Variants in ARHGEF28 observed in about 807,000 individuals in gnomAD.
ARHGEF28 encodes Rho guanine nucleotide exchange factor 28.
A neutral mutation model predicts 206.6 loss-of-function variants in ARHGEF28; 152 were observed. The observed-to-expected ratio is 0.74, with a 90% CI of 0.64 to 0.84. The LOEUF (loss-of-function observed/expected upper bound fraction) is 0.84, where lower values mean the gene tolerates loss of function less well. Among genes scored for constraint, ARHGEF28 ranks in the 40% least tolerant of loss-of-function variants. The pLI is 0.00. For synonymous variants in ARHGEF28, 763 were observed against 776.4 expected (o/e 0.98, Z 0.29); for missense variants, 2,028 against 2,073.2 (o/e 0.98, Z 0.42).
chr5:73,914,046 C>T (rs1763067011), intron 35 of ARHGEF28, among the ~76,000 whole-genome samples: 2 of 152,150 alleles, frequency 1.3e-5, no homozygotes, highest in African/African-American at 4.8e-5. Flanking sequence ...TAGATACCAC[C>T]TAGATAGGAA....
chr5:73,635,910 G>A (rs1391615882), intron 1 of ARHGEF28, among the ~76,000 whole-genome samples: 1 of 152,278 alleles, frequency 6.6e-6, no homozygotes, highest in South Asian at 2.1e-4. Context: ...TTTTTAAGGG[G>A]GAGTGAAATA....
intron 9 of ARHGEF28, among the ~76,000 whole-genome samples, chr5:73,831,870 T>A (rs1322691776): frequency 6.6e-6 from 1 of 152,166 alleles, no homozygotes; most frequent in Non-Finnish European, 1.5e-5. Flanking sequence ...TTTGTATTTT[T>A]AGTAGAGATG....
chr5:73,940,366 C>T (rs1742526146), intron 35 of ARHGEF28, among the ~76,000 whole-genome samples: 1 of 152,056 alleles, frequency 6.6e-6, no homozygotes, highest in South Asian at 2.1e-4. Flanking sequence ...GCTGGAGGGT[C>T]TCCTTCATTC....
At chr5:73,763,411 T>C (rs1326282025) in intron 4 of ARHGEF28, among the ~76,000 whole-genome samples, 4 of 152,234 alleles carry the variant, frequency 2.6e-5, no homozygotes, top group Non-Finnish European at 5.9e-5. Flanking sequence ...GAATGGACCC[T>C]GCCTGGCTGT....
At chr5:73,709,000 T>C (rs1749096302) in intron 2 of ARHGEF28, among the ~76,000 whole-genome samples, 1 of 152,190 alleles carries the variant, frequency 6.6e-6, no homozygotes, top group Non-Finnish European at 1.5e-5. Flanking sequence ...TTTTGAGAAG[T>C]GTCTGTTCAT....
chr5:73,726,331 T>C (rs1190743631), intron 2 of ARHGEF28, among the ~76,000 whole-genome samples: 2 of 152,256 alleles, frequency 1.3e-5, no homozygotes, highest in Non-Finnish European at 2.9e-5. Flanking sequence ...GTTACATAGA[T>C]ACCAGTTTGC....
At chr5:73,773,716 C>T in intron 4 of ARHGEF28, 139 bp from the exon 5 acceptor site, 2 of 905,840 alleles carry the variant, frequency 2.2e-6, no homozygotes, top group Non-Finnish European at 1.6e-6. Flanking sequence ...AAATGAGATA[C>T]AGTGATTGGG....
rs201040309 is a variant in ARHGEF28, at chr5:73,846,001, A to G, written c.1428-267A>G. Among the ~76,000 whole-genome samples, 9,070 of 148,830 alleles carry G rather than the reference A, an allele frequency of 0.061. 778 individuals carry two copies. Among genetic ancestry groups the G allele is most frequent in the African/African-American group, 0.16 (6,217 of 39,458 alleles). The stretch of plus-strand genomic sequence containing the variant: ...AAAACTGTCTCAAAAAAAAAAAAAA[A>G]AAAAAAAAAGAAAGAAAGAAAGAAA... On this transcript the variant is annotated intron_variant, in intron 11 of 35. Coordinates refer to ENST00000513042, the MANE Select transcript of ARHGEF28 (RefSeq NM_001177693.2).
rs376930198 is a variant in ARHGEF28 at position 73,865,912 on chromosome 5, T to C, written c.2104-53T>C. On this transcript the variant is annotated intron_variant, in intron 17 of 35. Coordinates refer to ENST00000513042, the MANE Select transcript of ARHGEF28 (RefSeq NM_001177693.2). ...CTGTGTAACTATGTGGATATTCTTA[T>C]AGTCTAATGATACTTTGATCTTACT... The C allele has an allele frequency of 9.2e-4, 1,157 of 1,260,332 alleles. 19 individuals are homozygous for C. The South Asian group carries it at 0.014, about 16-fold the overall frequency. 78.1% of individuals were successfully genotyped at this position (1,260,332 alleles called of 1,614,324 possible). A position where few individuals can be genotyped will look rare whatever the true frequency, so the allele number is the denominator to read the frequency against.
intron 4 of ARHGEF28, among the ~76,000 whole-genome samples, chr5:73,772,669 C>T (rs73116598): frequency 0.055 from 8,440 of 152,260 alleles, 353 homozygotes; most frequent in African/African-American, 0.11. Flanking sequence ...TTAGCCACCA[C>T]GCCTGGCCTT....
chr5:73,887,722 C>G (rs781320168), intron 26 of ARHGEF28, 43 bp downstream of exon 26: 14 of 1,457,468 alleles, frequency 9.6e-6, no homozygotes, highest in Non-Finnish European at 1.3e-5. Context: ...ATAGGTTTAA[C>G]CACACATTTT....
chr5:73,665,673 C>T (rs1745905786), intron 1 of ARHGEF28, among the ~76,000 whole-genome samples: 1 of 152,046 alleles, frequency 6.6e-6, no homozygotes, highest in Non-Finnish European at 1.5e-5. Flanking sequence ...GCCAAACGTC[C>T]TTTTATAACA....
chr5:73,901,084 C>T, intron 30 of ARHGEF28, 100 bp from the exon 31 acceptor site: 3 of 880,122 alleles, frequency 3.4e-6, no homozygotes, highest in Non-Finnish European at 5.4e-6. Context: ...GTGGTGTTTC[C>T]TATTTTGAAA....
At position 73,840,741 on chromosome 5, in the gene ARHGEF28, A is replaced by G. The variant is rs149883918; in HGVS notation, c.1408A>G (p.Ser470Gly). The G allele has an allele frequency of 7.4e-4, 1,186 of 1,609,374 alleles. 24 individuals carry two copies. In the East Asian group the frequency reaches 0.023, roughly 31 times the overall value. Residue 470 changes from serine (S) to glycine (G), a missense_variant, in exon 11 of 36, where the codon AGT (serine) becomes GGT (glycine). By Grantham distance (56) the Ser-to-Gly change is moderately conservative (BLOSUM62 0). Transcript: ENST00000513042. ...FGWHGFEKEQ[S>G]HLKKRSSSLD... is the part of the protein sequence containing the mutation. ...TTGGCATGGATTTGAAAAGGAACAA[A>G]GTCATCTAAAGAAAAGAAGGTAAGA...
rs1752097903 is a variant in ARHGEF28, at chr5:73,752,968, C to A, written c.241C>A (p.Pro81Thr). The A allele has an allele frequency of 6.2e-7, 1 of 1,613,846 alleles. No homozygotes were observed. The highest frequency in any genetic ancestry group is 8.5e-7 in the Non-Finnish European group (1 of 1,179,822). Residue 81 changes from proline to threonine, a missense_variant, in exon 4 of 36, where the codon CCG becomes ACG. By Grantham distance (38) the Pro-to-Thr change is conservative. Transcript: ENST00000513042. ...SVCLCSEGYS[P>T]VTMGSGSVTY... is the part of the protein sequence containing the mutation. ...GTGCCTCTGCTCGGAAGGTTACTCT[C>A]CGGTGACCATGGGCTCTGGCTCAGT...
chr5:73,732,578 C>T (rs1236264198), intron 2 of ARHGEF28, among the ~76,000 whole-genome samples: 1 of 152,038 alleles, frequency 6.6e-6, no homozygotes, highest in Non-Finnish European at 1.5e-5. Flanking sequence ...TTTTTAGTTC[C>T]TTTTGGTAAA....
At chr5:73,629,743 A>G (rs1743244148) in intron 1 of ARHGEF28, among the ~76,000 whole-genome samples, 1 of 152,164 alleles carries the variant, frequency 6.6e-6, no homozygotes. Flanking sequence ...AAAGTATATA[A>G]TTGAATAGTG....
At chr5:73,760,051 G>T (rs577827459) in intron 4 of ARHGEF28, among the ~76,000 whole-genome samples, 1 of 152,048 alleles carries the variant, frequency 6.6e-6, no homozygotes, top group Non-Finnish European at 1.5e-5. Context: ...ATAGAGCAAG[G>T]CCCCAGAGCC....
At chr5:73,908,198 A>C (rs903682903) in intron 33 of ARHGEF28, among the ~76,000 whole-genome samples, 2 of 152,204 alleles carry the variant, frequency 1.3e-5, no homozygotes, top group Non-Finnish European at 2.9e-5. Context: ...TAAAAATATG[A>C]ATTTTTGTTC....
Sources: gnomAD v4.1 joint callset for allele counts (sites outside exome capture counted in the v4.1 genomes callset) on GRCh38, gnomAD v4.1.1 for gene constraint, MANE v1.5 for transcripts, NCBI Gene and HGNC (gene_info 2026-07-23, HGNC 2026-07-21) for gene names.